Variants in FILIP1L observed in about 807,000 individuals in gnomAD.
The protein encoded by FILIP1L is filamin A-interacting protein 1-like.
FILIP1L carries 55 observed loss-of-function variants against 96.6 expected under a neutral mutation model. The observed-to-expected ratio is 0.57, with a 90% CI of 0.46 to 0.71. FILIP1L has a LOEUF of 0.71. Ranked by LOEUF, FILIP1L falls within the 30% of genes least tolerant of loss-of-function variation. The pLI is 0.00. For synonymous variants in FILIP1L, 467 were observed against 473.9 expected (o/e 0.99, Z 0.19); for missense variants, 1,304 against 1,321.2 (o/e 0.99, Z 0.20).
chr3:99,951,499 C>A (rs1322183691), intron 1 of FILIP1L, among the ~76,000 whole-genome samples: 1 of 152,146 alleles, frequency 6.6e-6, no homozygotes, highest in African/African-American at 2.4e-5. Flanking sequence ...AGTCCAGTCT[C>A]CCTGGTAAAA....
At chr3:99,955,041 G>T (rs1708280421) in intron 1 of FILIP1L, among the ~76,000 whole-genome samples, 1 of 152,142 alleles carries the variant, frequency 6.6e-6, no homozygotes, top group African/African-American at 2.4e-5. Flanking sequence ...AAATGAAAGG[G>T]TATCTTCTCT....
At chr3:100,112,534 TAAAG>T (rs1308662767) in intron 1 of FILIP1L, among the ~76,000 whole-genome samples, 1 of 152,216 alleles carries the variant, frequency 6.6e-6, no homozygotes, top group African/African-American at 2.4e-5. Context: ...ATTGCTTAAA[TAAAG>T]CTTAAGCAAA....
intron 4 of FILIP1L, among the ~76,000 whole-genome samples, chr3:99,893,339 G>C (rs1279866989): frequency 6.6e-6 from 1 of 151,832 alleles, no homozygotes; most frequent in Non-Finnish European, 1.5e-5. Context: ...CTAATTTTTT[G>C]TATTTTTAGT....
chr3:100,027,007 C>T (rs536273690), intron 1 of FILIP1L, among the ~76,000 whole-genome samples: 5 of 152,272 alleles, frequency 3.3e-5, no homozygotes, highest in African/African-American at 1.2e-4. Flanking sequence ...CTCCTTGTGA[C>T]CTTTGTCCTT....
chr3:100,067,535 CT>C lies in FILIP1L; in HGVS notation c.-11+46517del, dbSNP rs370690713. On this transcript the variant is annotated intron_variant, in intron 1 of 5. Coordinates refer to ENST00000477258, the MANE Select transcript of FILIP1L (RefSeq NM_001387850.1). ...GACAAAATTCACTTCATCTAAAATG[CT>C]GTCAAATCATCTGAATTTTGCAGAT... is the stretch of plus-strand genomic sequence containing the variant. Among the ~76,000 whole-genome samples, 679 of 152,260 alleles carry C rather than the reference CT, an allele frequency of 4.5e-3. 7 individuals carry two copies. The highest frequency in any genetic ancestry group is 0.016 in the African/African-American group (665 of 41,530).
chr3:99,940,405 G>T (rs188612825), intron 1 of FILIP1L, among the ~76,000 whole-genome samples: 2 of 152,188 alleles, frequency 1.3e-5, no homozygotes, highest in Non-Finnish European at 2.9e-5. Flanking sequence ...TAGAAATACA[G>T]TGATAATGAG....
intron 1 of FILIP1L, among the ~76,000 whole-genome samples, chr3:100,098,190 G>C (rs1329090285): frequency 6.6e-6 from 1 of 152,158 alleles, no homozygotes; most frequent in African/African-American, 2.4e-5. Context: ...TCACCAGTTA[G>C]CAGATTCACA....
chr3:99,829,244 G>A lies in FILIP1L; in HGVS notation c.*1170C>T, dbSNP rs116249066. Among the ~76,000 whole-genome samples, 760 of 152,038 alleles carry A rather than the reference G, an allele frequency of 5.0e-3. 6 individuals carry two copies. Among genetic ancestry groups the A allele is most frequent in the African/African-American group, 0.017 (717 of 41,442 alleles). On this transcript the variant is annotated 3_prime_UTR_variant, in exon 6 of 6. Coordinates refer to ENST00000477258, the MANE Select transcript of FILIP1L (RefSeq NM_001387850.1). ...GTTCCATTGATTTTTTTCCCCCCTC[G>A]ATTGAAGCTTTTTGAAATGTTTTTT...
At position 100,104,960 on chromosome 3, in the gene FILIP1L, TA is replaced by T. The variant is rs2066369817; in HGVS notation, c.-11+9092del. Among the ~76,000 whole-genome samples, 5 of 152,318 alleles carry T rather than the reference TA, an allele frequency of 3.3e-5. No homozygotes were observed. The South Asian group carries it at 1.0e-3, about 32-fold the overall frequency. On this transcript the variant is annotated intron_variant, in intron 1 of 5. Coordinates refer to ENST00000477258, the MANE Select transcript of FILIP1L (RefSeq NM_001387850.1). ...CAAAACCTCACCTATGCATTAACTCTAATCTTTCTGTAAAAGTATCTGCCTT... is the reference window on the plus strand; with the variant it reads ...CAAAACCTCACCTATGCATTAACTCTATCTTTCTGTAAAAGTATCTGCCTT...
chr3:99,917,845 G>A (rs1707000965), intron 4 of FILIP1L, among the ~76,000 whole-genome samples: 1 of 152,176 alleles, frequency 6.6e-6, no homozygotes, highest in Non-Finnish European at 1.5e-5. Flanking sequence ...TTTTGGTAGT[G>A]GAGTTAGAAT....
Position 99,928,870 on chromosome 3 carries a change from C to T in FILIP1L, c.426+986G>A, listed in dbSNP as rs181038688. Among the ~76,000 whole-genome samples the T allele has an allele frequency of 3.9e-5, 6 of 152,326 alleles. No individual in the cohort carries two copies. The East Asian group carries it at 1.2e-3, about 29-fold the overall frequency. ...AAATTTGGATTAAAGTGCAAATCAA[C>T]AGACTTTGGGTGGTCTCATCCTCAC... On this transcript the variant is annotated intron_variant, in intron 3 of 5. Transcript: ENST00000477258.
intron 4 of FILIP1L, among the ~76,000 whole-genome samples, chr3:99,871,875 T>A (rs1258366516): frequency 1.3e-5 from 2 of 152,184 alleles, no homozygotes; most frequent in East Asian, 3.8e-4. Flanking sequence ...CTTTCCTCCC[T>A]TTATCACCTC....
intron 1 of FILIP1L, among the ~76,000 whole-genome samples, chr3:100,014,895 C>CTTTTTTTTTTTTTTTTTTTTTTTT (rs1233573719): frequency 4.0e-5 from 1 of 25,002 alleles, no homozygotes; most frequent in Non-Finnish European, 7.0e-5. Flanking sequence ...TTCTTTCTTT[C>CTTTTTTTTTTTTTTTTTTTTTTTT]TTTTTTTTTT....
chr3:99,898,668 A>AG, intron 4 of FILIP1L: 1 of 173,176 alleles, frequency 5.8e-6, no homozygotes, highest in Non-Finnish European at 1.3e-5. Flanking sequence ...TGGAATGCTG[A>AG]GGCAGGAGAA....
At chr3:99,841,156 C>T (rs1943112894) in intron 5 of FILIP1L, among the ~76,000 whole-genome samples, 1 of 152,210 alleles carries the variant, frequency 6.6e-6, no homozygotes. Context: ...TAAGACACTG[C>T]GCATGTCACT....
intron 1 of FILIP1L, among the ~76,000 whole-genome samples, chr3:99,933,245 G>A (rs2107666028): frequency 6.6e-6 from 1 of 152,288 alleles, no homozygotes; most frequent in South Asian, 2.1e-4. Context: ...TCCGAAAAAT[G>A]CCTATAGCCT....
intron 1 of FILIP1L, among the ~76,000 whole-genome samples, chr3:100,014,895 C>CTTTTTTT (rs1233573719): frequency 4.4e-4 from 11 of 25,000 alleles, no homozygotes; most frequent in Admixed American, 5.7e-4. Flanking sequence ...TTCTTTCTTT[C>CTTTTTTT]TTTTTTTTTT....
At chr3:99,982,933 A>C (rs935680403) in intron 1 of FILIP1L, among the ~76,000 whole-genome samples, 1 of 152,188 alleles carries the variant, frequency 6.6e-6, no homozygotes, top group Non-Finnish European at 1.5e-5. Context: ...TGTTACATCA[A>C]AGTAATACAT....
At chr3:99,843,082 C>T (rs1417377623) in intron 5 of FILIP1L, among the ~76,000 whole-genome samples, 2 of 152,178 alleles carry the variant, frequency 1.3e-5, no homozygotes, top group Non-Finnish European at 2.9e-5. Flanking sequence ...GTTTGAGAAC[C>T]TTAGTAAACT....
Sources: gnomAD v4.1 joint callset for allele counts (sites outside exome capture counted in the v4.1 genomes callset) on GRCh38, gnomAD v4.1.1 for gene constraint, MANE v1.5 for transcripts, NCBI Gene and HGNC (gene_info 2026-07-23, HGNC 2026-07-21) for gene names.